PDK1: variants seen among roughly 807,000 people sequenced by gnomAD.
PDK1 encodes the protein pyruvate dehydrogenase kinase 1, also known as [Pyruvate dehydrogenase (acetyl-transferring)] kinase isozyme 1, mitochondrial.
A neutral mutation model predicts 54.2 loss-of-function variants in PDK1; 39 were observed. The observed-to-expected ratio is 0.72, with a 90% confidence interval of 0.56 to 0.94. The LOEUF is 0.94. Among genes scored for constraint, PDK1 ranks in the 40% least tolerant of loss-of-function variants. The pLI is 0.00. For missense variants in PDK1, 552 were observed against 566.0 expected, an observed-to-expected ratio of 0.98 and a Z score of 0.25; for synonymous variants, 221 against 207.1, an observed-to-expected ratio of 1.07 and a Z score of -0.58.
chr2:172,622,182 ATATAT>A, the PDK1 span, among the ~76,000 whole-genome samples: 2 of 140,468 alleles, frequency 1.4e-5, no homozygotes, highest in East Asian at 2.1e-4. Flanking sequence ...TGTTTATATC[ATATAT>A]TATGTGAGAT....
the PDK1 span, among the ~76,000 whole-genome samples, chr2:172,709,962 A>T: frequency 6.6e-6 from 1 of 152,238 alleles, no homozygotes; most frequent in African/African-American, 2.4e-5. Context: ...CAGTAAAGAA[A>T]AAAAAAGTGA....
the PDK1 span, among the ~76,000 whole-genome samples, chr2:172,653,051 C>T: frequency 2.6e-5 from 4 of 152,294 alleles, no homozygotes; most frequent in East Asian, 5.8e-4. Context: ...GGAGGCATCA[C>T]GCTACCTGAC....
chr2:172,571,827 T>G lies in PDK1; in HGVS notation c.945+1003T>G, dbSNP rs1174070895. ...GAGATTCTTAGTCTTTCTTTACTTTTTTTTTTTTTTTTTTTTTTTTTTGAG... is the reference window on the plus strand; with the variant it reads ...GAGATTCTTAGTCTTTCTTTACTTTGTTTTTTTTTTTTTTTTTTTTTTGAG... On this transcript the variant is annotated intron_variant, in intron 8 of 10. Coordinates refer to ENST00000282077, the MANE Select transcript of PDK1 (RefSeq NM_002610.5). Among the ~76,000 whole-genome samples, 83 of 124,498 alleles carry G rather than the reference T, an allele frequency of 6.7e-4. 8 individuals carry two copies. Among genetic ancestry groups the G allele is most frequent in the African/African-American group, 2.5e-3 (75 of 29,676 alleles). 81.7% of individuals were successfully genotyped at this position (124,498 alleles called of 152,430 possible). A position where few individuals can be genotyped will look rare whatever the true frequency, so the allele number is the denominator to read the frequency against.
chr2:172,687,043 C>T, the PDK1 span, among the ~76,000 whole-genome samples: 4 of 152,098 alleles, frequency 2.6e-5, no homozygotes, highest in African/African-American at 9.7e-5. Context: ...TGGTTGAGCT[C>T]ATTCATAAGA....
intron 8 of PDK1, among the ~76,000 whole-genome samples, chr2:172,585,806 G>T (rs1412111018): frequency 6.6e-6 from 1 of 152,104 alleles, no homozygotes; most frequent in Admixed American, 6.5e-5. Flanking sequence ...AGAGGAGTTG[G>T]GTTGGGTTCA....
At chr2:172,628,219 A>T in the PDK1 span, among the ~76,000 whole-genome samples, 1 of 152,198 alleles carries the variant, frequency 6.6e-6, no homozygotes, top group East Asian at 1.9e-4. Flanking sequence ...CTTACCTGCT[A>T]GTCATAGGGA....
At chr2:172,557,252 T>C (rs1255632999) in intron 1 of PDK1, among the ~76,000 whole-genome samples, 1 of 152,234 alleles carries the variant, frequency 6.6e-6, no homozygotes, top group African/African-American at 2.4e-5. Flanking sequence ...GTGGTATTCA[T>C]GAGTATGCCA....
chr2:172,586,939 T>A (rs1397055761), intron 9 of PDK1, among the ~76,000 whole-genome samples: 1 of 152,216 alleles, frequency 6.6e-6, no homozygotes, highest in African/African-American at 2.4e-5. Context: ...TCCATCCTTA[T>A]CTTTATGTTC....
chr2:172,696,493 A>G, the PDK1 span, among the ~76,000 whole-genome samples: 1 of 152,226 alleles, frequency 6.6e-6, no homozygotes, highest in Admixed American at 6.5e-5. Flanking sequence ...AGGCTATAGA[A>G]CATCTTTGAC....
the PDK1 span, among the ~76,000 whole-genome samples, chr2:172,630,566 C>T: frequency 1.4e-3 from 220 of 152,226 alleles, 4 homozygotes; most frequent in East Asian, 0.031. Flanking sequence ...CTACCATGTC[C>T]TTCACTGAAT....
the PDK1 span, among the ~76,000 whole-genome samples, chr2:172,665,587 C>A: frequency 1.3e-5 from 2 of 152,168 alleles, no homozygotes; most frequent in East Asian, 3.8e-4. Context: ...CCTGAGCCTA[C>A]CCTGAAGCCC....
chr2:172,558,619 G>T (rs1688484652), intron 1 of PDK1, 89 bp from the exon 2 acceptor site: 1 of 1,206,792 alleles, frequency 8.3e-7, no homozygotes, highest in Non-Finnish European at 1.1e-6. Context: ...GGCCTTGCCG[G>T]ATAACTTCCT....
the PDK1 span, among the ~76,000 whole-genome samples, chr2:172,703,464 C>T: frequency 2.0e-5 from 3 of 152,128 alleles, no homozygotes; most frequent in Admixed American, 6.6e-5. Flanking sequence ...TAATTAAATA[C>T]CATAAGACAC....
At chr2:172,593,085 T>C in intron 10 of PDK1, 37 bp downstream of exon 10, 2 of 1,075,912 alleles carry the variant, frequency 1.9e-6, no homozygotes, top group Non-Finnish European at 2.9e-6. Flanking sequence ...ATATTTCTTT[T>C]GATGATAAGA....
the PDK1 span, among the ~76,000 whole-genome samples, chr2:172,627,908 A>G: frequency 1.3e-5 from 2 of 152,044 alleles, no homozygotes; most frequent in African/African-American, 4.8e-5. Context: ...TGGGACCTGA[A>G]CTCTGACCAC....
In PDK1 at chr2:172,570,843, T is replaced by C. The variant is rs1451198132; in HGVS notation, c.945+19T>C. ...TGTGAAGGTAAATGTGTTTAATGGT[T>C]TGTTTTCTTTTTTTTTTTTTTGTAA... On this transcript the variant is annotated intron_variant, in intron 8 of 10. Transcript: ENST00000282077. The C allele has an allele frequency of 1.4e-6, 2 of 1,452,246 alleles. No homozygotes were observed. The highest frequency in any genetic ancestry group is 2.9e-5 in the African/African-American group (2 of 69,826). 90.0% of individuals were successfully genotyped at this position (1,452,246 alleles called of 1,614,324 possible). A position where few individuals can be genotyped will look rare whatever the true frequency, so the allele number is the denominator to read the frequency against.
chr2:172,668,844 C>T, the PDK1 span, among the ~76,000 whole-genome samples: 40,514 of 139,068 alleles, frequency 0.29, 7,159 homozygotes, highest in East Asian at 0.56. Context: ...TATGTATATA[C>T]ACACACACAC....
the PDK1 span, among the ~76,000 whole-genome samples, chr2:172,629,538 C>T: frequency 6.6e-6 from 1 of 152,140 alleles, no homozygotes; most frequent in Non-Finnish European, 1.5e-5. Context: ...ATCCCCTTTC[C>T]AGCCCCCTAT....
At chr2:172,648,327 CTG>C in the PDK1 span, among the ~76,000 whole-genome samples, 1 of 152,158 alleles carries the variant, frequency 6.6e-6, no homozygotes, top group Non-Finnish European at 1.5e-5. Context: ...TGCATCTTTT[CTG>C]TAAGTTTATC....
Sources: gnomAD v4.1 joint callset for allele counts (sites outside exome capture counted in the v4.1 genomes callset) on GRCh38, gnomAD v4.1.1 for gene constraint, MANE v1.5 for transcripts, NCBI Gene and HGNC (gene_info 2026-07-23, HGNC 2026-07-21) for gene names.